SGCZ: variants seen among roughly 807,000 people sequenced by gnomAD.
SGCZ encodes zeta-sarcoglycan.
Under a neutral mutation model 41.3 loss-of-function variants are expected in SGCZ, and 40 were observed. The observed-to-expected ratio is 0.97, with a 90% CI of 0.75 to 1.26. The LOEUF (loss-of-function observed/expected upper bound fraction) is 1.26, where lower values mean the gene tolerates loss of function less well. Among genes scored for constraint, SGCZ ranks in the 50% most tolerant of loss-of-function variants. The pLI, the probability that SGCZ is intolerant of heterozygous loss-of-function variation, is 0.00. For synonymous variants in SGCZ, 206 were observed against 137.5 expected (o/e 1.50, Z -3.49); for missense variants, 552 against 369.8 (o/e 1.49, Z -4.04).
At chr8:14,478,548 G>A (rs1351044430) in intron 2 of SGCZ, among the ~76,000 whole-genome samples, 1 of 152,064 alleles carries the variant, frequency 6.6e-6, no homozygotes, top group Admixed American at 6.6e-5. Context: ...GGGATGAGTA[G>A]GTGGAGCCCA....
At chr8:15,091,779 G>T (rs1326063683) in intron 1 of SGCZ, among the ~76,000 whole-genome samples, 2 of 152,028 alleles carry the variant, frequency 1.3e-5, no homozygotes, top group Non-Finnish European at 2.9e-5. Context: ...TAGAGACAGG[G>T]TCTCACTCTG....
intron 3 of SGCZ, among the ~76,000 whole-genome samples, chr8:14,272,241 G>GA (rs1156486161): frequency 2.6e-5 from 4 of 152,056 alleles, no homozygotes; most frequent in Admixed American, 2.0e-4. Flanking sequence ...TGACCCCAAG[G>GA]AATCTTCCCA....
At chr8:14,774,114 G>T (rs964753482) in intron 1 of SGCZ, among the ~76,000 whole-genome samples, 3 of 152,122 alleles carry the variant, frequency 2.0e-5, no homozygotes, top group Non-Finnish European at 2.9e-5. Flanking sequence ...TTTGAGTAAA[G>T]CAGACTGCCC....
intron 1 of SGCZ, among the ~76,000 whole-genome samples, chr8:14,851,377 A>G (rs1585318094): frequency 7.1e-6 from 1 of 140,986 alleles, no homozygotes; most frequent in Non-Finnish European, 1.6e-5. Flanking sequence ...TCAAAAAAAA[A>G]AAAAAAAAAA....
chr8:14,729,952 G>C (rs995689487), intron 1 of SGCZ, among the ~76,000 whole-genome samples: 1 of 152,138 alleles, frequency 6.6e-6, no homozygotes, highest in Non-Finnish European at 1.5e-5. Flanking sequence ...GGGCATGGTA[G>C]GACAGTCCTC....
chr8:14,902,588 C>T (rs1433517374), intron 1 of SGCZ, among the ~76,000 whole-genome samples: 3 of 152,122 alleles, frequency 2.0e-5, no homozygotes, highest in African/African-American at 7.2e-5. Context: ...TACCTTTGTA[C>T]TCACCATAAC....
chr8:14,449,359 A>G (rs1373870944), intron 2 of SGCZ, among the ~76,000 whole-genome samples: 2 of 152,186 alleles, frequency 1.3e-5, no homozygotes, highest in African/African-American at 4.8e-5. Flanking sequence ...GATGTGCAAT[A>G]CCATGGCTGT....
intron 1 of SGCZ, among the ~76,000 whole-genome samples, chr8:15,009,082 G>A (rs914141833): frequency 6.6e-6 from 1 of 152,108 alleles, no homozygotes; most frequent in African/African-American, 2.4e-5. Context: ...CTGAATCACA[G>A]TATATTAATT....
intron 5 of SGCZ, among the ~76,000 whole-genome samples, chr8:14,115,123 T>G (rs1408930853): frequency 6.6e-6 from 1 of 151,980 alleles, no homozygotes. Context: ...GAGATATATA[T>G]TCTCAGGAAA....
intron 2 of SGCZ, among the ~76,000 whole-genome samples, chr8:14,536,967 A>T (rs538512798): frequency 6.6e-6 from 1 of 152,112 alleles, no homozygotes; most frequent in African/African-American, 2.4e-5. Flanking sequence ...TAAAAAGGAA[A>T]TTCAAAATAC....
intron 2 of SGCZ, among the ~76,000 whole-genome samples, chr8:14,428,413 C>G (rs1218383638): frequency 6.6e-6 from 1 of 151,916 alleles, no homozygotes; most frequent in Non-Finnish European, 1.5e-5. Context: ...TTTTTCCTTT[C>G]ATTCATATAG....
intron 1 of SGCZ, among the ~76,000 whole-genome samples, chr8:15,119,366 C>A (rs1346363694): frequency 2.0e-5 from 3 of 151,788 alleles, no homozygotes; most frequent in African/African-American, 7.3e-5. Context: ...CCTGTCTCTA[C>A]AGAAAATACA....
At chr8:14,574,436 T>C (rs1406102861) in intron 1 of SGCZ, among the ~76,000 whole-genome samples, 1 of 152,096 alleles carries the variant, frequency 6.6e-6, no homozygotes, top group East Asian at 1.9e-4. Context: ...CTGTGTAAGC[T>C]GGCCATAAAT....
intron 1 of SGCZ, among the ~76,000 whole-genome samples, chr8:14,926,266 AAAT>A (rs1403468073): frequency 2.0e-5 from 3 of 152,198 alleles, no homozygotes; most frequent in African/African-American, 4.8e-5. Context: ...TAAGCATAAA[AAAT>A]AATAAAAGAT....
intron 4 of SGCZ, among the ~76,000 whole-genome samples, chr8:14,204,481 C>CAGTACCTTACCTTGAA (rs1563184107): frequency 6.6e-6 from 1 of 152,000 alleles, no homozygotes; most frequent in Non-Finnish European, 1.5e-5. Flanking sequence ...CCTTGAAGCA[C>CAGTACCTTACCTTGAA]GTAAGGTAAA....
intron 1 of SGCZ, among the ~76,000 whole-genome samples, chr8:14,850,274 G>A (rs1803268304): frequency 6.6e-6 from 1 of 152,080 alleles, no homozygotes; most frequent in Admixed American, 6.6e-5. Flanking sequence ...GCACTGTGCT[G>A]GGCCGTGAAG....
At chr8:14,310,392 C>G (rs558468233) in intron 3 of SGCZ, among the ~76,000 whole-genome samples, 35 of 152,194 alleles carry the variant, frequency 2.3e-4, no homozygotes, top group African/African-American at 7.2e-4. Flanking sequence ...ATGCATTTCA[C>G]TCAAATCAGT....
chr8:14,259,465 T>A (rs1359219040), intron 3 of SGCZ, among the ~76,000 whole-genome samples: 1 of 150,558 alleles, frequency 6.6e-6, no homozygotes, highest in African/African-American at 2.4e-5. Context: ...AAGTCTTTAA[T>A]CCATCTTGAA....
intron 1 of SGCZ, among the ~76,000 whole-genome samples, chr8:15,059,892 T>C (rs1285216069): frequency 1.3e-5 from 2 of 152,146 alleles, no homozygotes; most frequent in Non-Finnish European, 2.9e-5. Flanking sequence ...CACTGACCAC[T>C]TTAAAGTAGG....
Sources: allele counts gnomAD v4.1 joint callset (sites outside exome capture counted in the v4.1 genomes callset), GRCh38; gene constraint gnomAD v4.1.1; transcripts MANE v1.5; gene names NCBI Gene and HGNC (gene_info 2026-07-23, HGNC 2026-07-21).